Variants in RNF38 observed in about 807,000 individuals in gnomAD.
The protein encoded by RNF38 is ring finger protein 38.
RNF38 carries 15 observed loss-of-function variants against 67.2 expected under a neutral mutation model. That is an observed-to-expected ratio of 0.22 (90% CI 0.15 to 0.34). The LOEUF is 0.34. RNF38 is among the 10% of genes least tolerant of loss of function. The pLI is 1.00. For missense variants in RNF38, 524 were observed against 639.9 expected (o/e 0.82, Z 1.95); for synonymous variants, 220 against 218.8 (o/e 1.01, Z -0.05).
intron 2 of RNF38, among the ~76,000 whole-genome samples, chr9:36,410,748 T>G (rs1490725742): frequency 6.6e-6 from 1 of 152,200 alleles, no homozygotes; most frequent in Non-Finnish European, 1.5e-5. Context: ...TCAATCACGT[T>G]TCCAAGAAGG....
intron 9 of RNF38, among the ~76,000 whole-genome samples, chr9:36,350,362 G>A (rs1387526739): frequency 6.6e-6 from 1 of 152,156 alleles, no homozygotes; most frequent in Non-Finnish European, 1.5e-5. Flanking sequence ...CACAAGTACT[G>A]ATGCCATAAA....
intron 9 of RNF38, among the ~76,000 whole-genome samples, chr9:36,347,582 A>G (rs1396861373): frequency 6.6e-6 from 1 of 152,204 alleles, no homozygotes; most frequent in African/African-American, 2.4e-5. Flanking sequence ...TACTTGTATA[A>G]GACAGAAAAC....
intron 1 of RNF38, among the ~76,000 whole-genome samples, chr9:36,485,920 T>C (rs150068930): frequency 6.6e-6 from 1 of 152,268 alleles, no homozygotes; most frequent in African/African-American, 2.4e-5. Context: ...AACGTTTCTA[T>C]AAAAGTATAG....
intron 2 of RNF38, among the ~76,000 whole-genome samples, chr9:36,406,518 C>T (rs1838187437): frequency 6.6e-6 from 1 of 152,198 alleles, no homozygotes; most frequent in African/African-American, 2.4e-5. Context: ...AATCATTCTG[C>T]CTTCCAACTT....
intron 2 of RNF38, among the ~76,000 whole-genome samples, chr9:36,414,289 G>A (rs1441061055): frequency 1.3e-5 from 2 of 152,144 alleles, no homozygotes; most frequent in Non-Finnish European, 2.9e-5. Context: ...CGTTCTCGCT[G>A]CTGCCTGAAT....
chr9:36,466,010 C>G (rs954146132), intron 1 of RNF38, among the ~76,000 whole-genome samples: 5 of 152,102 alleles, frequency 3.3e-5, no homozygotes, highest in African/African-American at 1.2e-4. Flanking sequence ...CGAGATCGGG[C>G]CACTGCACTT....
Position 36,449,724 on chromosome 9 carries a change from C to T in RNF38, n.242-25041G>A, listed in dbSNP as rs142742561. Among the ~76,000 whole-genome samples, 387 of 152,192 alleles carry T rather than the reference C, an allele frequency of 2.5e-3. 2 individuals are homozygous for T. Among genetic ancestry groups the T allele is most frequent in the African/African-American group, 8.0e-3 (334 of 41,548 alleles). On this transcript the variant is annotated intron_variant and non_coding_transcript_variant, in intron 1 of 3. Coordinates refer to the RNF38 transcript ENST00000488058. ...TGCTGGGATTACAGGCATGAGCCAC[C>T]GCTCCCAGCCTAGACCTTATCTCGT...
At chr9:36,361,351 G>T (rs989939335) in intron 4 of RNF38, among the ~76,000 whole-genome samples, 12 of 150,570 alleles carry the variant, frequency 8.0e-5, no homozygotes, top group African/African-American at 3.0e-4. Context: ...TTTTAGTAGA[G>T]ACAGGGTTTC....
Position 36,339,374 on chromosome 9 carries a change from C to T in RNF38, c.*378G>A, listed in dbSNP as rs1832682109. 5.2e-6 allele frequency: 1 copy of T among 192,148 alleles called. No individual in the cohort carries two copies. The highest frequency in any genetic ancestry group is 2.3e-5 in the African/African-American group (1 of 43,154). 11.9% of individuals were successfully genotyped at this position (192,148 alleles called of 1,614,324 possible). ...CATTTCCACTCACAGTTTCTGAAGG[C>T]TCTATATAAGGTAGATTGCTATATC... On this transcript the variant is annotated 3_prime_UTR_variant, in exon 12 of 12. Transcript: ENST00000259605.
chr9:36,475,106 A>C (rs557493804), intron 1 of RNF38, among the ~76,000 whole-genome samples: 1 of 144,730 alleles, frequency 6.9e-6, no homozygotes, highest in Non-Finnish European at 1.5e-5. Context: ...AGAGAGCACC[A>C]TTTCACTCCA....
intron 1 of RNF38, among the ~76,000 whole-genome samples, chr9:36,392,209 CAG>C (rs1390178399): frequency 1.3e-5 from 2 of 152,154 alleles, no homozygotes; most frequent in Admixed American, 1.3e-4. Context: ...ACCTGGTAAA[CAG>C]ATAACTGTGC....
At chr9:36,475,516 C>T (rs1332539873) in intron 1 of RNF38, among the ~76,000 whole-genome samples, 4 of 151,700 alleles carry the variant, frequency 2.6e-5, no homozygotes, top group African/African-American at 4.8e-5. Flanking sequence ...CACCACCACA[C>T]CTGGCTAAGT....
In RNF38 at chr9:36,466,782, C is replaced by T. The variant is rs146443513; in HGVS notation, n.241+20526G>A. Reference sequence around the variant, plus strand: ...CCTCTGCAGGATTCAAATAAAGGAACTTTTATTTTCTCTAATATACATTTC... The same window carrying T: ...CCTCTGCAGGATTCAAATAAAGGAATTTTTATTTTCTCTAATATACATTTC... On this transcript the variant is annotated intron_variant and non_coding_transcript_variant, in intron 1 of 3. Transcript: ENST00000488058. 1.1e-4 allele frequency among the ~76,000 whole-genome samples: 16 copies of T among 152,098 alleles called. No individual in the cohort carries two copies. The South Asian group carries it at 3.3e-3, about 32-fold the overall frequency.
chr9:36,469,979 A>G (rs983246920), intron 1 of RNF38, among the ~76,000 whole-genome samples: 1 of 152,182 alleles, frequency 6.6e-6, no homozygotes, highest in East Asian at 1.9e-4. Context: ...ACCCTGTCTC[A>G]AAACAAAAAC....
upstream of RNF38, among the ~76,000 whole-genome samples, chr9:36,405,902 T>A (rs931849662): frequency 6.6e-6 from 1 of 152,234 alleles, no homozygotes; most frequent in African/African-American, 2.4e-5. Context: ...GTCTGTCAAA[T>A]GGTAAATATA....
At chr9:36,372,626 G>T in intron 3 of RNF38, 1 of 670,124 alleles carries the variant, frequency 1.5e-6, no homozygotes, top group South Asian at 1.7e-5. Flanking sequence ...ACAGAATACA[G>T]AGTAAGACAC....
intron 4 of RNF38, among the ~76,000 whole-genome samples, chr9:36,362,553 A>G (rs1834633749): frequency 6.6e-6 from 1 of 151,548 alleles, no homozygotes; most frequent in African/African-American, 2.4e-5. Flanking sequence ...AAATCCCCCA[A>G]CGACCCCCTC....
rs191275169 is a variant in RNF38 at position 36,448,133 on chromosome 9, G to A, written n.242-23450C>T. Among the ~76,000 whole-genome samples the A allele has an allele frequency of 5.6e-3, 851 of 152,320 alleles. 1 individual carries two copies. Among genetic ancestry groups the A allele is most frequent in the Admixed American group, 0.01 (159 of 15,302 alleles). On this transcript the variant is annotated intron_variant and non_coding_transcript_variant, in intron 1 of 3. Transcript: ENST00000488058. ...GAAACTTAATGACAGGGTGAGGGCAGAGTGAGGACAGAACTGGTCTTCTTA... is the reference window on the plus strand; with the variant it reads ...GAAACTTAATGACAGGGTGAGGGCAAAGTGAGGACAGAACTGGTCTTCTTA...
Position 36,408,176 on chromosome 9 carries a change from G to A in RNF38, n.312+16437C>T, listed in dbSNP as rs201947706. 2.6e-5 allele frequency among the ~76,000 whole-genome samples: 4 copies of A among 151,872 alleles called. 1 individual carries two copies. The highest frequency in any genetic ancestry group is 4.2e-4 in the South Asian group (2 of 4,816). ...TGCAGTGTCATGATCACAGCTCACT[G>A]CCCCCTTGAATTCCTGGGGGCTCAA... On this transcript the variant is annotated intron_variant and non_coding_transcript_variant, in intron 2 of 3. Coordinates refer to the RNF38 transcript ENST00000488058.
Sources: gnomAD v4.1 joint callset for allele counts (sites outside exome capture counted in the v4.1 genomes callset) on GRCh38, gnomAD v4.1.1 for gene constraint, MANE v1.5 for transcripts, NCBI Gene and HGNC (gene_info 2026-07-23, HGNC 2026-07-21) for gene names.